NCAPD3: variants seen among roughly 807,000 people sequenced by gnomAD.
NCAPD3 encodes non-SMC condensin II complex subunit D3.
Under a neutral mutation model 182.9 loss-of-function variants are expected in NCAPD3, and 105 were observed. That is an observed-to-expected ratio of 0.57 (90% CI 0.49 to 0.68). The LOEUF (loss-of-function observed/expected upper bound fraction) is 0.68, where lower values mean the gene tolerates loss of function less well. Among genes scored for constraint, NCAPD3 ranks in the 30% least tolerant of loss-of-function variants. The pLI is 0.00. For synonymous variants in NCAPD3, 815 were observed against 679.9 expected, an observed-to-expected ratio of 1.20 and a Z score of -3.09; for missense variants, 1,944 against 1,837.0, an observed-to-expected ratio of 1.06 and a Z score of -1.07.
At chr11:134,178,513 T>A (rs955369422) in intron 22 of NCAPD3, 121 bp downstream of exon 22, 1 of 723,578 alleles carries the variant, frequency 1.4e-6, no homozygotes, top group African/African-American at 1.7e-5. Flanking sequence ...AGGAACCACA[T>A]GGCTGAGAGC....
At chr11:134,221,965 G>T (rs1338939817) in intron 1 of NCAPD3, among the ~76,000 whole-genome samples, 2 of 152,152 alleles carry the variant, frequency 1.3e-5, no homozygotes, top group Non-Finnish European at 2.9e-5. Context: ...TTCCAGTAAT[G>T]TTTTAAAGGT....
At chr11:134,160,778 C>G (rs1943555664) in intron 28 of NCAPD3, among the ~76,000 whole-genome samples, 1 of 152,110 alleles carries the variant, frequency 6.6e-6, no homozygotes, top group Non-Finnish European at 1.5e-5. Context: ...AATCCATGCA[C>G]TTTTCCAGCT....
At chr11:134,176,945 T>C (rs1332226973) in intron 23 of NCAPD3, among the ~76,000 whole-genome samples, 1 of 152,250 alleles carries the variant, frequency 6.6e-6, no homozygotes, top group African/African-American at 2.4e-5. Context: ...ACTTGTCTAC[T>C]GAATATGCTT....
Position 134,168,915 on chromosome 11 carries a change from A to C in NCAPD3, c.3239+2T>G. The C allele has an allele frequency of 6.2e-7, 1 of 1,612,212 alleles. No individual in the cohort carries two copies. The highest frequency in any genetic ancestry group is 8.5e-7 in the Non-Finnish European group (1 of 1,179,012). On this transcript the variant is annotated splice_donor_variant, in intron 25 of 34. Coordinates refer to ENST00000534548, the MANE Select transcript of NCAPD3 (RefSeq NM_015261.3). LOFTEE classifies it high-confidence loss of function. ...GAGACCAGACTTAGCTGCTTCACTG[A>C]CCTCTCTGACTGGGGGAACTTGTTG...
intron 10 of NCAPD3, 46 bp downstream of exon 10, chr11:134,204,000 A>C: frequency 2.0e-6 from 3 of 1,510,382 alleles, no homozygotes; most frequent in Non-Finnish European, 2.7e-6. Context: ...CCCTTTTAAA[A>C]AGAGTTTAAA....
At chr11:134,222,880 T>C (rs1235886945) in intron 1 of NCAPD3, among the ~76,000 whole-genome samples, 1 of 152,238 alleles carries the variant, frequency 6.6e-6, no homozygotes, top group Non-Finnish European at 1.5e-5. Context: ...TCAGCAGTTA[T>C]TATGTGGCAA....
At chr11:134,186,186 A>G (rs1304205850) in intron 16 of NCAPD3, 1 of 152,186 alleles carries the variant, frequency 6.6e-6, no homozygotes, top group African/African-American at 2.4e-5. Flanking sequence ...CTGATGTACT[A>G]AAGTGTTTGT....
chr11:134,164,860 T>G (rs1377166592), intron 27 of NCAPD3, among the ~76,000 whole-genome samples: 1 of 147,554 alleles, frequency 6.8e-6, no homozygotes, highest in African/African-American at 2.5e-5. Context: ...TGACATGAGC[T>G]TGAGGGAGCT....
chr11:134,174,490 T>C (rs987428628), intron 24 of NCAPD3, among the ~76,000 whole-genome samples: 17 of 147,210 alleles, frequency 1.2e-4, no homozygotes, highest in Admixed American at 2.7e-4. Context: ...GAAAGATACA[T>C]ATATATATAC....
At chr11:134,197,505 G>C (rs1006447796) in intron 13 of NCAPD3, among the ~76,000 whole-genome samples, 13 of 152,088 alleles carry the variant, frequency 8.5e-5, no homozygotes, top group African/African-American at 3.1e-4. Flanking sequence ...TCGAACTCCT[G>C]ACCTCAAGTA....
intron 13 of NCAPD3, among the ~76,000 whole-genome samples, chr11:134,197,430 C>T (rs767636449): frequency 5.3e-5 from 8 of 152,028 alleles, no homozygotes; most frequent in Non-Finnish European, 7.4e-5. Flanking sequence ...GCACCTGCCA[C>T]CATGCCCAGC....
At chr11:134,191,265 C>T (rs1290608632) in intron 16 of NCAPD3, among the ~76,000 whole-genome samples, 2 of 152,040 alleles carry the variant, frequency 1.3e-5, no homozygotes, top group Admixed American at 6.6e-5. Flanking sequence ...AAATTTTAAG[C>T]AACACTGGAA....
chr11:134,215,347 TAGAA>T (rs748093441), intron 3 of NCAPD3, among the ~76,000 whole-genome samples: 14 of 152,062 alleles, frequency 9.2e-5, no homozygotes, highest in Non-Finnish European at 1.9e-4. Flanking sequence ...GAAAAATAAA[TAGAA>T]AGAACCCAGA....
intron 27 of NCAPD3, among the ~76,000 whole-genome samples, chr11:134,165,331 AGT>A (rs1462908940): frequency 1.4e-5 from 2 of 148,060 alleles, no homozygotes; most frequent in Non-Finnish European, 3.0e-5. Flanking sequence ...CATGAGCTTA[AGT>A]GGAGGGGCAC....
intron 13 of NCAPD3, 90 bp from the exon 14 acceptor site, chr11:134,194,828 C>A: frequency 1.3e-6 from 1 of 797,432 alleles, no homozygotes; most frequent in South Asian, 1.8e-5. Flanking sequence ...AAAATACACT[C>A]ATCTTAAAGA....
At chr11:134,174,788 A>C (rs762805923) in intron 24 of NCAPD3, among the ~76,000 whole-genome samples, 42 of 152,220 alleles carry the variant, frequency 2.8e-4, no homozygotes, top group Non-Finnish European at 5.4e-4. Flanking sequence ...TCTGCTAATT[A>C]TCCCGATTTG....
In NCAPD3 at chr11:134,181,175, T is replaced by A. The variant is rs372672380; in HGVS notation, c.2461A>T (p.Thr821Ser). The change falls in exon 20 of 35, where the codon ACG (threonine) becomes TCG (serine). Residue 821 changes from threonine to serine, a missense_variant. By Grantham distance (58) the Thr-to-Ser change is moderately conservative. Coordinates refer to ENST00000534548, the MANE Select transcript of NCAPD3 (RefSeq NM_015261.3). The part of the protein sequence containing the change: ...ETPAEEQELL[T>S]QVCGDVLSTC... ...GAGAGTACATCCCCACACACCTGCGTCAGCAATTCCTACGGCAAGTCAAAA... is the reference window on the plus strand; with the variant it reads ...GAGAGTACATCCCCACACACCTGCGACAGCAATTCCTACGGCAAGTCAAAA... 6.2e-7 allele frequency: 1 copy of A among 1,613,278 alleles called. No individual in the cohort carries two copies. Among genetic ancestry groups the A allele is most frequent in the South Asian group, 1.1e-5 (1 of 90,988 alleles).
chr11:134,172,162 T>G (rs1944022481), intron 24 of NCAPD3, among the ~76,000 whole-genome samples: 1 of 152,150 alleles, frequency 6.6e-6, no homozygotes, highest in Admixed American at 6.5e-5. Flanking sequence ...CCCGTGGTGC[T>G]CCCACCATCT....
At chr11:134,164,182 T>A (rs1943684853) in intron 27 of NCAPD3, among the ~76,000 whole-genome samples, 1 of 152,146 alleles carries the variant, frequency 6.6e-6, no homozygotes, top group East Asian at 1.9e-4. Flanking sequence ...GCAGCCAAGC[T>A]CTGCCCCAGT....
Sources: allele counts gnomAD v4.1 joint callset (sites outside exome capture counted in the v4.1 genomes callset), GRCh38; gene constraint gnomAD v4.1.1; transcripts MANE v1.5; gene names NCBI Gene and HGNC (gene_info 2026-07-23, HGNC 2026-07-21).